NELL1: variants seen among roughly 807,000 people sequenced by gnomAD.
NELL1 encodes the protein protein kinase C-binding protein NELL1.
In NELL1, 76 loss-of-function variants were observed where a neutral mutation model predicts 107.4. The ratio of observed to expected loss-of-function variants is 0.71; its 90% confidence interval spans 0.59 to 0.86. The LOEUF is 0.86. Among genes scored for constraint, NELL1 ranks in the 40% least tolerant of loss-of-function variants. The probability of loss-of-function intolerance (pLI) is 0.00; values close to 1 mark genes in which losing one functional copy is unlikely to be tolerated. For synonymous variants in NELL1, 353 were observed against 341.2 expected (o/e 1.03, Z -0.38); for missense variants, 1,024 against 1,005.5 (o/e 1.02, Z -0.25).
intron 4 of NELL1, among the ~76,000 whole-genome samples, chr11:20,864,276 C>CAGATG (rs1849054339): frequency 6.6e-6 from 1 of 152,174 alleles, no homozygotes; most frequent in Non-Finnish European, 1.5e-5. Context: ...AGCTAATTAA[C>CAGATG]AGATGCATTC....
rs371798626 is a variant in NELL1 at position 21,402,748 on chromosome 11, T to C, written c.1645+31800T>C. 1.8e-3 allele frequency among the ~76,000 whole-genome samples: 266 copies of C among 151,742 alleles called. 9 individuals carry two copies. In the South Asian group the frequency reaches 0.053, roughly 30 times the overall value. On this transcript the variant is annotated intron_variant, in intron 15 of 19. Transcript: ENST00000357134. ...AGTAAATAAGCTTTATCTCCTATGATGTGAAAGGTAGTTTGAAGTACAGTC... is the reference window on the plus strand; with the variant it reads ...AGTAAATAAGCTTTATCTCCTATGACGTGAAAGGTAGTTTGAAGTACAGTC...
intron 15 of NELL1, among the ~76,000 whole-genome samples, chr11:21,521,896 G>A (rs1479413990): frequency 2.0e-5 from 3 of 152,102 alleles, no homozygotes; most frequent in South Asian, 2.1e-4. Flanking sequence ...TCATTCATAT[G>A]TCTACTTTTG....
chr11:20,837,985 A>G (rs957371349), intron 3 of NELL1, among the ~76,000 whole-genome samples: 4 of 152,134 alleles, frequency 2.6e-5, no homozygotes, highest in Admixed American at 2.6e-4. Flanking sequence ...CCTTCCAAAG[A>G]GGACAGTATA....
intron 5 of NELL1, among the ~76,000 whole-genome samples, chr11:20,894,802 C>T (rs1021265863): frequency 3.9e-5 from 6 of 152,128 alleles, no homozygotes; most frequent in Admixed American, 3.3e-4. Flanking sequence ...CATTTGTATA[C>T]ACTAAAAGGC....
chr11:21,518,407 C>G (rs1564936522), intron 15 of NELL1, among the ~76,000 whole-genome samples: 1 of 152,112 alleles, frequency 6.6e-6, no homozygotes, highest in African/African-American at 2.4e-5. Context: ...GGTGAATTAT[C>G]TTATTGATCA....
intron 2 of NELL1, among the ~76,000 whole-genome samples, chr11:20,699,417 G>A (rs1854713003): frequency 6.6e-6 from 1 of 151,810 alleles, no homozygotes; most frequent in South Asian, 2.1e-4. Context: ...CTGGAGTGCA[G>A]TGGTGCGATC....
chr11:21,137,958 A>C (rs1855780617), intron 13 of NELL1, among the ~76,000 whole-genome samples: 1 of 152,208 alleles, frequency 6.6e-6, no homozygotes, highest in Non-Finnish European at 1.5e-5. Flanking sequence ...ACCCTATGTA[A>C]ATAGAAACGT....
chr11:21,365,202 C>CA (rs1485434037), intron 14 of NELL1, among the ~76,000 whole-genome samples: 2 of 152,094 alleles, frequency 1.3e-5, no homozygotes, highest in Non-Finnish European at 2.9e-5. Context: ...TCTGCTATTC[C>CA]ACTATGAGAT....
At chr11:21,356,747 C>T (rs908635641) in intron 14 of NELL1, among the ~76,000 whole-genome samples, 9 of 152,080 alleles carry the variant, frequency 5.9e-5, no homozygotes, top group African/African-American at 1.4e-4. Flanking sequence ...TTCTGGTTCA[C>T]CCATCACCCA....
chr11:20,724,402 C>T (rs1384021985), intron 2 of NELL1, among the ~76,000 whole-genome samples: 8 of 152,160 alleles, frequency 5.3e-5, no homozygotes, highest in South Asian at 2.1e-4. Flanking sequence ...TAACTGAATG[C>T]TTTCAGAATA....
chr11:21,082,992 T>C (rs1854304826), intron 12 of NELL1, among the ~76,000 whole-genome samples: 1 of 152,162 alleles, frequency 6.6e-6, no homozygotes, highest in South Asian at 2.1e-4. Flanking sequence ...CAGAGTACAG[T>C]GGATAGACTA....
chr11:20,770,663 A>G (rs1057157221), intron 2 of NELL1, among the ~76,000 whole-genome samples: 4 of 152,220 alleles, frequency 2.6e-5, no homozygotes, highest in African/African-American at 7.2e-5. Context: ...CATGTGATCT[A>G]AGAGCTGATG....
intron 14 of NELL1, among the ~76,000 whole-genome samples, chr11:21,326,882 T>C (rs2133678480): frequency 6.6e-6 from 1 of 152,304 alleles, no homozygotes; most frequent in South Asian, 2.1e-4. Flanking sequence ...GTTATTTAAA[T>C]AGTTGGATTG....
At chr11:20,807,144 T>G (rs1305123777) in intron 3 of NELL1, among the ~76,000 whole-genome samples, 2 of 152,146 alleles carry the variant, frequency 1.3e-5, no homozygotes, top group Non-Finnish European at 2.9e-5. Context: ...AGGTATTTAT[T>G]GTAGTCTTCA....
chr11:21,155,807 T>C (rs1856218933), intron 13 of NELL1, among the ~76,000 whole-genome samples: 1 of 151,920 alleles, frequency 6.6e-6, no homozygotes. Context: ...AAGGGAAGGA[T>C]ATGGAGTTGG....
intron 13 of NELL1, among the ~76,000 whole-genome samples, chr11:21,153,578 G>A (rs2133790014): frequency 6.6e-6 from 1 of 152,224 alleles, no homozygotes; most frequent in East Asian, 1.9e-4. Flanking sequence ...GGAACTAAGG[G>A]AAAGGAAGGG....
intron 13 of NELL1, among the ~76,000 whole-genome samples, chr11:21,164,087 C>T (rs866856759): frequency 6.6e-6 from 1 of 152,160 alleles, no homozygotes; most frequent in Non-Finnish European, 1.5e-5. Flanking sequence ...GAAACCAAAC[C>T]TGTGCGCACC....
At chr11:20,817,456 T>G (rs1398995304) in intron 3 of NELL1, among the ~76,000 whole-genome samples, 1 of 152,158 alleles carries the variant, frequency 6.6e-6, no homozygotes, top group Non-Finnish European at 1.5e-5. Flanking sequence ...TGAGGATCTT[T>G]TGTATTTCTT....
At chr11:21,423,534 G>A (rs1852745607) in intron 15 of NELL1, among the ~76,000 whole-genome samples, 1 of 152,030 alleles carries the variant, frequency 6.6e-6, no homozygotes, top group South Asian at 2.1e-4. Flanking sequence ...ATCATGATTG[G>A]AGACTTTCAT....
Sources: allele counts gnomAD v4.1 joint callset (sites outside exome capture counted in the v4.1 genomes callset), GRCh38; gene constraint gnomAD v4.1.1; transcripts MANE v1.5; gene names NCBI Gene and HGNC (gene_info 2026-07-23, HGNC 2026-07-21).